Variants in ELMO1 observed in about 807,000 individuals in gnomAD.
The protein encoded by ELMO1 is engulfment and cell motility 1, also known as engulfment and cell motility protein 1.
A neutral mutation model predicts 98.9 loss-of-function variants in ELMO1; 26 were observed. The observed-to-expected ratio is 0.26, with a 90% CI of 0.19 to 0.36. The LOEUF is 0.36. Among genes scored for constraint, ELMO1 ranks in the 10% least tolerant of loss-of-function variants. ELMO1 has a pLI of 1.00. For synonymous variants in ELMO1, 346 were observed against 346.0 expected (o/e 1.00, Z 0.00); for missense variants, 627 against 935.2 (o/e 0.67, Z 4.30).
intron 15 of ELMO1, among the ~76,000 whole-genome samples, chr7:37,070,683 C>T (rs1172656270): frequency 1.3e-5 from 2 of 152,132 alleles, no homozygotes; most frequent in Non-Finnish European, 2.9e-5. Flanking sequence ...TGAAAGATGA[C>T]ATGATGGATT....
intron 13 of ELMO1, among the ~76,000 whole-genome samples, chr7:37,208,820 A>G (rs1442750676): frequency 1.3e-5 from 2 of 152,190 alleles, no homozygotes; most frequent in African/African-American, 4.8e-5. Flanking sequence ...TCTCTGATGC[A>G]AGACTGGCCT....
chr7:37,318,103 A>T (rs1325933044), intron 2 of ELMO1, among the ~76,000 whole-genome samples: 1 of 152,220 alleles, frequency 6.6e-6, no homozygotes, highest in Non-Finnish European at 1.5e-5. Flanking sequence ...ATTGGGTTCT[A>T]CTGTAGTTAC....
chr7:36,960,090 A>T (rs1788813827), intron 16 of ELMO1, among the ~76,000 whole-genome samples: 1 of 152,160 alleles, frequency 6.6e-6, no homozygotes, highest in Non-Finnish European at 1.5e-5. Flanking sequence ...CTTTTCCTCT[A>T]AATGTGCCTA....
intron 13 of ELMO1, among the ~76,000 whole-genome samples, chr7:37,143,417 A>AT (rs886462660): frequency 6.6e-6 from 1 of 151,842 alleles, no homozygotes; most frequent in African/African-American, 2.4e-5. Context: ...TTATTTATTT[A>AT]TTTTTTTGCG....
rs190461236 is a variant in ELMO1, at chr7:37,311,941, A to G, written c.192+2909T>C. Among the ~76,000 whole-genome samples, 20 of 152,354 alleles carry G rather than the reference A, an allele frequency of 1.3e-4. No homozygotes were observed. In the East Asian group the frequency reaches 2.3e-3, roughly 18 times the overall value. ...AAATAACTAAGATACACCATAAAAT[A>G]ATAATTTCCTCCATTCTCAATAGTT... On this transcript the variant is annotated intron_variant, in intron 4 of 21. Transcript: ENST00000310758.
Position 37,013,381 on chromosome 7 carries a change from A to G in ELMO1, c.1355T>C (p.Phe452Ser). 6.2e-7 allele frequency: 1 copy of G among 1,614,048 alleles called. No individual in the cohort carries two copies. ...GATACAGATGCAGAAAAACTCCTCAAAGGATCTGTCGTGGGTGAAGAACAT... is the reference window on the plus strand; with the variant it reads ...GATACAGATGCAGAAAAACTCCTCAGAGGATCTGTCGTGGGTGAAGAACAT... Reference protein sequence around the residue: ...HPMFFTHDRSFEEFFCICIQL... With the variant: ...HPMFFTHDRSSEEFFCICIQL... Residue 452 changes from phenylalanine (F) to serine (S), a missense_variant, in exon 16 of 22, where the codon TTT becomes TCT. By Grantham distance (155) the Phe-to-Ser change is radical (BLOSUM62 -2). Around this residue, in one of 3 missense-constraint regions of ELMO1, gnomAD observed 492 missense variants for 715.6 expected, o/e 0.69. Transcript: ENST00000310758.
intron 9 of ELMO1, 115 bp from the exon 10 acceptor site, chr7:37,222,808 G>A: frequency 2.3e-6 from 2 of 856,620 alleles, no homozygotes; most frequent in Non-Finnish European, 3.7e-6. Context: ...AAAAGTGAGA[G>A]AGAAAGGCAG....
At chr7:37,165,759 T>C (rs1381050444) in intron 13 of ELMO1, among the ~76,000 whole-genome samples, 1 of 152,220 alleles carries the variant, frequency 6.6e-6, no homozygotes, top group African/African-American at 2.4e-5. Flanking sequence ...TTGAGGATTT[T>C]TGCATCAATG....
In ELMO1 at chr7:37,271,920, A is replaced by G. The variant is rs567812605; in HGVS notation, c.193-38T>C. The G allele has an allele frequency of 2.8e-4, 453 of 1,591,002 alleles. 5 individuals are homozygous for G. In the South Asian group the frequency reaches 3.6e-3, roughly 13 times the overall value. On this transcript the variant is annotated intron_variant, in intron 4 of 21. Transcript: ENST00000310758. Reference sequence around the variant, plus strand: ...AAAAAATCTTTGTAAATTTTCAAGTAGAAGCTTGGTAAAGAAGAGAACAAA... The same window carrying G: ...AAAAAATCTTTGTAAATTTTCAAGTGGAAGCTTGGTAAAGAAGAGAACAAA...
chr7:37,253,720 T>G (rs142204971), intron 6 of ELMO1, among the ~76,000 whole-genome samples: 2 of 117,904 alleles, frequency 1.7e-5, no homozygotes, highest in African/African-American at 3.0e-5. Context: ...GAACTTAAAG[T>G]AAAAAAAAAA....
At chr7:37,133,341 C>T (rs1446906287) in intron 13 of ELMO1, 107 bp from the exon 14 acceptor site, 3 of 735,788 alleles carry the variant, frequency 4.1e-6, no homozygotes, top group Middle Eastern at 2.9e-4. Flanking sequence ...AGGTAAGGTC[C>T]AAATAATCAA....
chr7:37,348,834 C>T (rs1012572010), intron 1 of ELMO1, among the ~76,000 whole-genome samples: 2 of 152,144 alleles, frequency 1.3e-5, no homozygotes, highest in Admixed American at 6.5e-5. Context: ...TCTTTCGGTT[C>T]CACAAAGGTC....
intron 13 of ELMO1, among the ~76,000 whole-genome samples, chr7:37,178,115 T>C (rs1365813238): frequency 4.6e-5 from 7 of 151,980 alleles, no homozygotes; most frequent in Non-Finnish European, 8.8e-5. Flanking sequence ...TTAGTCCGTT[T>C]TCATGCTGCT....
Position 37,342,538 on chromosome 7 carries a change from C to T in ELMO1, c.78+75G>A. 2 of 1,408,680 alleles carry T rather than the reference C, an allele frequency of 1.4e-6. No individual in the cohort carries two copies. Among genetic ancestry groups the T allele is most frequent in the South Asian group, 2.3e-5 (2 of 86,558 alleles). 87.3% of individuals were successfully genotyped at this position (1,408,680 alleles called of 1,614,324 possible). A position where few individuals can be genotyped will look rare whatever the true frequency, so the allele number is the denominator to read the frequency against. On this transcript the variant is annotated intron_variant, in intron 2 of 21. Coordinates refer to ENST00000310758, the MANE Select transcript of ELMO1 (RefSeq NM_014800.11). The surrounding 1 kb of genome is among the most constrained non-coding windows in gnomAD (Gnocchi z 4.3). ...AGAGAGAGAAAGGGAGAAGAGTGAG[C>T]TATCCAAAGTCTATGAAAATTCCAG...
At chr7:36,938,278 G>T (rs1178255867) in intron 16 of ELMO1, among the ~76,000 whole-genome samples, 1 of 152,190 alleles carries the variant, frequency 6.6e-6, no homozygotes, top group African/African-American at 2.4e-5. Flanking sequence ...AGTAGAAAAA[G>T]CTCCAAGTTG....
intron 7 of ELMO1, among the ~76,000 whole-genome samples, chr7:37,243,663 T>C (rs1794861617): frequency 6.6e-6 from 1 of 152,138 alleles, no homozygotes. Flanking sequence ...CAAAATAAGG[T>C]TCACACTTTG....
chr7:37,211,231 G>C (rs1016777323), intron 13 of ELMO1, 155 bp downstream of exon 13: 91 of 1,023,936 alleles, frequency 8.9e-5, no homozygotes, highest in Non-Finnish European at 1.3e-4. Context: ...AGATTTTCAT[G>C]TGATCCTGTT....
intron 20 of ELMO1, 137 bp from the exon 21 acceptor site, chr7:36,861,873 G>A (rs1802659669): frequency 7.9e-6 from 6 of 758,858 alleles, no homozygotes; most frequent in Non-Finnish European, 1.4e-5. Flanking sequence ...CTGATGGAAG[G>A]AGGAACCATG....
intron 16 of ELMO1, among the ~76,000 whole-genome samples, chr7:36,909,966 A>G (rs1306383186): frequency 1.3e-5 from 2 of 152,336 alleles, no homozygotes; most frequent in East Asian, 1.9e-4. Context: ...CTGAAGATCA[A>G]AAAGTGTCTC....
Sources: gnomAD v4.1 joint callset for allele counts (sites outside exome capture counted in the v4.1 genomes callset) on GRCh38, gnomAD v4.1.1 for gene constraint, gnomAD v4.1.1 regional missense constraint, Gnocchi (gnomAD v3.1) non-coding constraint, MANE v1.5 for transcripts, NCBI Gene and HGNC (gene_info 2026-07-23, HGNC 2026-07-21) for gene names.